The following PSMD4 variants were observed in gnomAD, a reference collection of about 807,000 sequenced individuals.
PSMD4 encodes proteasome 26S subunit ubiquitin receptor, non-ATPase 4, also known as 26S proteasome non-ATPase regulatory subunit 4.
In PSMD4, 5 loss-of-function variants were observed where a neutral mutation model predicts 39.7. The observed-to-expected ratio is 0.13, with a 90% CI of 0.07 to 0.26. The LOEUF is 0.26. Among genes scored for constraint, PSMD4 ranks in the 10% least tolerant of loss-of-function variants. PSMD4 has a pLI of 1.00. For synonymous variants in PSMD4, 143 were observed against 174.6 expected, an observed-to-expected ratio of 0.82 and a Z score of 1.43; for missense variants, 272 against 486.1, an observed-to-expected ratio of 0.56 and a Z score of 4.14.
At chr1:151,265,093 CT>C in intron 4 of PSMD4, 72 bp from the exon 5 acceptor site, 1 of 1,383,442 alleles carries the variant, frequency 7.2e-7, no homozygotes, top group Non-Finnish European at 9.9e-7. Flanking sequence ...TTTCTGTATG[CT>C]TTTATGCGGC....
At chr1:151,258,331 G>A (rs1693225898) in intron 1 of PSMD4, among the ~76,000 whole-genome samples, 1 of 151,578 alleles carries the variant, frequency 6.6e-6, no homozygotes, top group African/African-American at 2.4e-5. Flanking sequence ...CCCAGCCAAG[G>A]TATTTTATTC....
intron 1 of PSMD4, among the ~76,000 whole-genome samples, chr1:151,261,903 C>T (rs1693328643): frequency 7.0e-6 from 1 of 143,206 alleles, no homozygotes; most frequent in African/African-American, 2.6e-5. Context: ...TGCAGTGAGC[C>T]ATTAGTGCAC....
At chr1:151,258,580 C>T (rs1187163749) in intron 1 of PSMD4, among the ~76,000 whole-genome samples, 1 of 151,260 alleles carries the variant, frequency 6.6e-6, no homozygotes, top group Admixed American at 6.6e-5. Context: ...CCTGCCTCAG[C>T]CTCCTGAATA....
rs751954907 is a variant in PSMD4 at position 151,264,038 on chromosome 1, A to G, written c.282+10A>G. 10 of 1,557,678 alleles carry G rather than the reference A, an allele frequency of 6.4e-6. No homozygotes were observed. Among genetic ancestry groups the G allele is most frequent in the Middle Eastern group, 1.7e-4 (1 of 5,988 alleles). Reference sequence around the variant, plus strand: ...CATCCGCGTGGCCCATGTGAGTCCTACTGGGTTCCCTGGACCTTTCCTCCC... The same window carrying G: ...CATCCGCGTGGCCCATGTGAGTCCTGCTGGGTTCCCTGGACCTTTCCTCCC... On this transcript the variant is annotated intron_variant, in intron 3 of 9. Coordinates refer to ENST00000368884, the MANE Select transcript of PSMD4 (RefSeq NM_002810.4).
chr1:151,255,820 T>G (rs1693152020), intron 1 of PSMD4, among the ~76,000 whole-genome samples: 1 of 152,094 alleles, frequency 6.6e-6, no homozygotes, highest in African/African-American at 2.4e-5. Flanking sequence ...GCCTCCCTGG[T>G]TCAAGTGATT....
chr1:151,265,822 C>T (rs929769026), intron 6 of PSMD4, among the ~76,000 whole-genome samples, 182 bp from the exon 7 acceptor site: 12 of 152,158 alleles, frequency 7.9e-5, no homozygotes, highest in Admixed American at 2.0e-4. Context: ...TGATGAAAAC[C>T]GAGGCTTCTC....
chr1:151,262,088 T>C, intron 1 of PSMD4, 73 bp from the exon 2 acceptor site: 1 of 1,564,106 alleles, frequency 6.4e-7, no homozygotes. Context: ...ATAGGGGGCC[T>C]CTGGAACTGG....
intron 1 of PSMD4, among the ~76,000 whole-genome samples, chr1:151,256,364 A>AAATAAAT (rs1553308814): frequency 4.4e-5 from 2 of 45,638 alleles, no homozygotes; most frequent in African/African-American, 1.2e-4. Flanking sequence ...AAATAATAAT[A>AAATAAAT]AAATAAATAA....
chr1:151,267,319 C>G lies in PSMD4; in HGVS notation c.1110C>G (p.Asp370Glu). The part of the protein sequence containing the change: ...ASQATKDGKK[D>E]KKEEDKK ...AGGCCACCAAGGACGGCAAGAAGGA[C>G]AAGAAGGAGGAAGACAAGAAGTGAG... Residue 370 changes from aspartate (D) to glutamate (E), a missense_variant, in exon 10 of 10, where the codon GAC (aspartate) becomes GAG (glutamate). Asp to Glu is a conservative substitution (Grantham distance 45, BLOSUM62 2). Coordinates refer to ENST00000368884, the MANE Select transcript of PSMD4 (RefSeq NM_002810.4). 1.2e-6 allele frequency: 2 copies of G among 1,613,710 alleles called. No individual in the cohort carries two copies. Among genetic ancestry groups the G allele is most frequent in the Non-Finnish European group, 1.7e-6 (2 of 1,179,792 alleles).
intron 1 of PSMD4, among the ~76,000 whole-genome samples, chr1:151,261,012 ATTAT>A (rs201329672): frequency 0.014 from 2,096 of 151,742 alleles, 24 homozygotes; most frequent in Non-Finnish European, 0.02. Context: ...TACCTGGCTA[ATTAT>A]TGTATTTTTA....
chr1:151,262,810 G>C (rs1693343542), intron 2 of PSMD4: 1 of 153,404 alleles, frequency 6.5e-6, no homozygotes, highest in African/African-American at 2.4e-5. Context: ...ACACCAGCTT[G>C]GGCGACAGAA....
At chr1:151,257,076 G>T (rs1693192954) in intron 1 of PSMD4, among the ~76,000 whole-genome samples, 1 of 152,160 alleles carries the variant, frequency 6.6e-6, no homozygotes, top group South Asian at 2.1e-4. Flanking sequence ...ATAGTTTTGG[G>T]TTTTACCTTG....
intron 1 of PSMD4, among the ~76,000 whole-genome samples, chr1:151,261,333 GC>G: frequency 6.6e-6 from 1 of 151,690 alleles, no homozygotes; most frequent in South Asian, 2.1e-4. Context: ...GTGCCACCAC[GC>G]CCAGCTAATT....
chr1:151,257,555 A>T (rs893326813), intron 1 of PSMD4, among the ~76,000 whole-genome samples: 7 of 151,734 alleles, frequency 4.6e-5, no homozygotes, highest in African/African-American at 1.7e-4. Flanking sequence ...TTAATTAATT[A>T]ATTAATTTAT....
At position 151,266,313 on chromosome 1, in the gene PSMD4, G is replaced by C; in HGVS notation, c.769G>C (p.Asp257His). The C allele has an allele frequency of 6.2e-7, 1 of 1,614,226 alleles. No individual in the cohort carries two copies. The highest frequency in any genetic ancestry group is 1.7e-5 in the Admixed American group (1 of 60,028). Residue 257 changes from aspartate to histidine, a missense_variant, in exon 8 of 10, where the codon GAC becomes CAC. Asp to His is a moderately conservative substitution (Grantham distance 81, BLOSUM62 -1). Around this residue, in one of 3 missense-constraint regions of PSMD4, gnomAD observed 113 missense variants for 184.6 expected, o/e 0.61. Transcript: ENST00000368884. ...GIATTGTEDS[D>H]DALLKMTISQ... is the part of the protein sequence containing the mutation. ...TCCTCTTTTCCTTTTCCCAGACTCA[G>C]ACGATGCCCTGCTGAAGATGACCAT...
chr1:151,257,863 C>A (rs1348793991), intron 1 of PSMD4, among the ~76,000 whole-genome samples: 1 of 151,442 alleles, frequency 6.6e-6, no homozygotes, highest in African/African-American at 2.4e-5. Context: ...CCATGCTCGG[C>A]AGTATGGCCA....
At chr1:151,256,349 A>AT (rs747168021) in intron 1 of PSMD4, among the ~76,000 whole-genome samples, 14,457 of 93,552 alleles carry the variant, frequency 0.15, 1,314 homozygotes, top group Non-Finnish European at 0.19. Context: ...CTCTCAAAAA[A>AT]AAAAAAATAA....
chr1:151,261,085 G>C (rs1357310820), intron 1 of PSMD4, among the ~76,000 whole-genome samples: 2 of 151,424 alleles, frequency 1.3e-5, no homozygotes, highest in African/African-American at 2.4e-5. Context: ...GACTTCAGGT[G>C]ATACACCCGC....
At chr1:151,256,588 G>C (rs188897285) in intron 1 of PSMD4, among the ~76,000 whole-genome samples, 19 of 149,696 alleles carry the variant, frequency 1.3e-4, no homozygotes, top group South Asian at 4.3e-4. Flanking sequence ...ACAGGTGCCC[G>C]CCACCACGCC....
Sources: allele counts gnomAD v4.1 joint callset (sites outside exome capture counted in the v4.1 genomes callset), GRCh38; gene constraint gnomAD v4.1.1; regional missense constraint gnomAD v4.1.1; transcripts MANE v1.5; gene names NCBI Gene and HGNC (gene_info 2026-07-23, HGNC 2026-07-21).